UGT1A9: variants seen among roughly 807,000 people sequenced by gnomAD.
The protein encoded by UGT1A9 is UDP-glucuronosyltransferase 1A9.
In UGT1A9, 35 loss-of-function variants were observed where a neutral mutation model predicts 45.0. The observed-to-expected ratio is 0.78, with a 90% CI of 0.59 to 1.03. UGT1A9 has a LOEUF of 1.03. UGT1A9 is among the 50% of genes least tolerant of loss of function. The pLI is 0.00. For missense variants in UGT1A9, 687 were observed against 666.6 expected (o/e 1.03, Z -0.34); for synonymous variants, 278 against 250.6 (o/e 1.11, Z -1.03).
chr2:233,687,064 A>G (rs571316372), intron 1 of UGT1A9, among the ~76,000 whole-genome samples: 13 of 152,344 alleles, frequency 8.5e-5, no homozygotes, highest in African/African-American at 2.9e-4. Context: ...GAGTCCTCCA[A>G]GCCTGATTTC....
chr2:233,674,065 C>G (rs1038981584), intron 1 of UGT1A9, among the ~76,000 whole-genome samples: 4 of 152,082 alleles, frequency 2.6e-5, no homozygotes. Flanking sequence ...AGATTAAACA[C>G]CTAATGTCTA....
chr2:233,693,699 T>A, intron 1 of UGT1A9: 1 of 1,614,240 alleles, frequency 6.2e-7, no homozygotes, highest in Non-Finnish European at 8.5e-7. Flanking sequence ...TATGAAGAAC[T>A]CGCATCAGCT....
In UGT1A9 at chr2:233,682,200, G is replaced by A. The variant is rs2074562710; in HGVS notation, c.855+9411G>A. 2.5e-6 allele frequency: 4 copies of A among 1,614,060 alleles called. No individual in the cohort carries two copies. In the African/African-American group the frequency reaches 4.0e-5, roughly 16 times the overall value. Reference sequence around the variant, plus strand: ...TCATACACTCTGGAGGATCAGGACCGGGAGTTCATGGTTTTTGCCGATGCT... The same window carrying A: ...TCATACACTCTGGAGGATCAGGACCAGGAGTTCATGGTTTTTGCCGATGCT... On this transcript the variant is annotated intron_variant, in intron 1 of 4. Transcript: ENST00000354728.
chr2:233,760,923 C>G, intron 1 of UGT1A9: 1 of 1,614,214 alleles, frequency 6.2e-7, no homozygotes, highest in Non-Finnish European at 8.5e-7. Flanking sequence ...GGGTGAAGAA[C>G]ATGCTCATTG....
intron 1 of UGT1A9, chr2:233,718,918 T>C (rs778450561): frequency 2.5e-6 from 4 of 1,614,094 alleles, no homozygotes; most frequent in Non-Finnish European, 3.4e-6. Context: ...AAGGTGTTGG[T>C]GGTGCCCACT....
chr2:233,719,021 G>A (rs751307422), intron 1 of UGT1A9: 3 of 1,614,262 alleles, frequency 1.9e-6, no homozygotes, highest in Non-Finnish European at 2.5e-6. Context: ...AGGTGAATAT[G>A]CACATCAAAG....
At chr2:233,758,431 A>C (rs1696879671) in intron 1 of UGT1A9, among the ~76,000 whole-genome samples, 1 of 152,228 alleles carries the variant, frequency 6.6e-6, no homozygotes, top group Admixed American at 6.5e-5. Context: ...ATGAACTCAC[A>C]CAGCATTGGG....
intron 1 of UGT1A9, among the ~76,000 whole-genome samples, chr2:233,712,817 A>G (rs1326884694): frequency 6.6e-6 from 1 of 152,256 alleles, no homozygotes; most frequent in Non-Finnish European, 1.5e-5. Context: ...GGTGGGGCCC[A>G]TAATGCAAGA....
At chr2:233,680,906 T>C (rs1045002964) in intron 1 of UGT1A9, among the ~76,000 whole-genome samples, 3 of 151,948 alleles carry the variant, frequency 2.0e-5, no homozygotes, top group Non-Finnish European at 4.4e-5. Context: ...CTGCAGACAA[T>C]GTATCTGAGG....
chr2:233,730,496 A>G (rs888211040), intron 1 of UGT1A9, among the ~76,000 whole-genome samples: 3 of 152,218 alleles, frequency 2.0e-5, no homozygotes, highest in Admixed American at 6.5e-5. Context: ...TAGAAGTGTC[A>G]GAGAGGTTGA....
chr2:233,755,044 C>T (rs1695716601), intron 1 of UGT1A9: 3 of 1,324,814 alleles, frequency 2.3e-6, no homozygotes, highest in East Asian at 4.6e-5. Flanking sequence ...CCTGCGCAGC[C>T]GCCCTCCGCC....
At chr2:233,761,294 G>A in intron 1 of UGT1A9, 1 of 1,510,470 alleles carries the variant, frequency 6.6e-7, no homozygotes, top group East Asian at 2.3e-5. Context: ...TGACTCCTAG[G>A]TTTGAGTCTG....
chr2:233,735,509 C>A lies in UGT1A9; in HGVS notation c.856-31525C>A, dbSNP rs185084136. Among the ~76,000 whole-genome samples the A allele has an allele frequency of 5.3e-4, 81 of 152,270 alleles. No homozygotes were observed. The East Asian group carries it at 0.013, about 24-fold the overall frequency. On this transcript the variant is annotated intron_variant, in intron 1 of 4. Coordinates refer to ENST00000354728, the MANE Select transcript of UGT1A9 (RefSeq NM_021027.3). ...TTAATTGCAGCATTTAGCCCATTTA[C>A]ATTTAAGGTAAATATTGTTATGAGT...
intron 1 of UGT1A9, chr2:233,729,655 C>G (rs2077902514): frequency 6.2e-7 from 1 of 1,613,788 alleles, no homozygotes; most frequent in African/African-American, 1.3e-5. Flanking sequence ...GAGGAACATT[C>G]CATGTGATTT....
intron 1 of UGT1A9, chr2:233,760,308 C>A (rs780253764): frequency 4.3e-6 from 7 of 1,613,678 alleles, no homozygotes; most frequent in South Asian, 1.1e-5. Context: ...AGTCCCAGGG[C>A]GGACGCCCAC....
intron 1 of UGT1A9, chr2:233,721,736 T>A: frequency 2.3e-6 from 1 of 427,568 alleles, no homozygotes; most frequent in Admixed American, 2.5e-5. Flanking sequence ...ATAAGCTTAA[T>A]GATGAGAGAA....
rs780354743 is a variant in UGT1A9 at position 233,767,874 on chromosome 2, G to A, written c.1013G>A (p.Arg338Gln). Residue 338 changes from arginine to glutamine, a missense_variant, in exon 3 of 5, where the codon CGA becomes CAA. Coordinates refer to ENST00000354728, the MANE Select transcript of UGT1A9 (RefSeq NM_021027.3). ...QTVLWRYTGT[R>Q]PSNLANNTIL... ...GTCCTGTGGCGGTACACTGGAACCC[G>A]ACCATCGAATCTTGCGAACAACACG... 28 of 1,613,980 alleles carry A rather than the reference G, an allele frequency of 1.7e-5. No individual in the cohort carries two copies. Among genetic ancestry groups the A allele is most frequent in the Admixed American group, 1.0e-4 (6 of 59,998 alleles).
At chr2:233,677,834 T>TAA (rs139390163) in intron 1 of UGT1A9, among the ~76,000 whole-genome samples, 2 of 151,800 alleles carry the variant, frequency 1.3e-5, no homozygotes, top group African/African-American at 4.8e-5. Context: ...TAGATATATG[T>TAA]AAAAAAAATC....
chr2:233,706,134 A>C (rs1160537015), intron 1 of UGT1A9, among the ~76,000 whole-genome samples: 3 of 152,196 alleles, frequency 2.0e-5, no homozygotes, highest in Non-Finnish European at 4.4e-5. Context: ...ACAGCAAAGT[A>C]TTAAACAAAG....
Sources: gnomAD v4.1 joint callset for allele counts (sites outside exome capture counted in the v4.1 genomes callset) on GRCh38, gnomAD v4.1.1 for gene constraint, MANE v1.5 for transcripts, NCBI Gene and HGNC (gene_info 2026-07-23, HGNC 2026-07-21) for gene names.